TREH: variants seen among roughly 807,000 people sequenced by gnomAD.
TREH encodes trehalase.
Under a neutral mutation model 80.5 loss-of-function variants are expected in TREH, and 69 were observed. The observed-to-expected ratio is 0.86, with a 90% CI of 0.71 to 1.05. TREH has a LOEUF of 1.05. Ranked by LOEUF, TREH falls within the 50% of genes least tolerant of loss-of-function variation. TREH has a pLI of 0.00. For missense variants in TREH, 716 were observed against 718.8 expected (o/e 1.00, Z 0.04); for synonymous variants, 309 against 293.5 (o/e 1.05, Z -0.54).
rs1423942689 is a variant in TREH at position 118,674,247 on chromosome 11, TC to T, written c.89+5291del. On this transcript the variant is annotated intron_variant, in intron 1 of 14. Transcript: ENST00000264029. This position sits in a 1 kb window ranked among gnomAD's most constrained non-coding sequence, Gnocchi z 4.4. Reference sequence around the variant, plus strand: ...TACCTCTCACATGGAAATTATCTAGTCCAAAGTCTCAGCACTCGTGCCAGGA... The same window carrying T: ...TACCTCTCACATGGAAATTATCTAGTCAAAGTCTCAGCACTCGTGCCAGGA... Among the ~76,000 whole-genome samples the T allele has an allele frequency of 1.6e-4, 25 of 152,344 alleles. No homozygotes were observed. The highest frequency in any genetic ancestry group is 5.5e-4 in the African/African-American group (23 of 41,582).
rs781911442 is a variant in TREH at position 118,661,239 on chromosome 11, T to G, written c.778A>C (p.Lys260Gln). The G allele has an allele frequency of 6.2e-7, 1 of 1,613,958 alleles. No homozygotes were observed. Among genetic ancestry groups the G allele is most frequent in the Admixed American group, 1.7e-5 (1 of 60,030 alleles). Reference protein sequence around the residue: ...TLALELDFWTKNRTVSVSLEG... With the variant: ...TLALELDFWTQNRTVSVSLEG... ...AAGCTCACAGAGACAGTCCTGTTCT[T>G]GGTCCAAAAGTCCAATTCCAAGGCT... The change falls in exon 8 of 15, where the codon AAG becomes CAG. Residue 260 changes from lysine to glutamine, a missense_variant. Physicochemically the swap from Lys to Gln is moderately conservative, Grantham distance 53. Coordinates refer to ENST00000264029, the MANE Select transcript of TREH (RefSeq NM_007180.3). The surrounding 1 kb of genome is among the most constrained non-coding windows in gnomAD (Gnocchi z 4.2).
chr11:118,660,649 G>C lies in TREH; in HGVS notation c.992C>G (p.Pro331Arg), dbSNP rs1555144720. ...GATGCCGCTAAGCGAGTTGGGGTTT[G>C]GGCCTCCAATGAGCCAGCGTGAAGA... is the stretch of plus-strand genomic sequence containing the variant. The part of the protein sequence containing the change: ...DFSSRWLIGG[P>R]NPNSLSGIRT... Residue 331 changes from proline (P) to arginine (R), a missense_variant, in exon 10 of 15, where the codon CCA becomes CGA. Coordinates refer to ENST00000264029, the MANE Select transcript of TREH (RefSeq NM_007180.3). The C allele has an allele frequency of 1.9e-6, 3 of 1,606,678 alleles. No homozygotes were observed. The highest frequency in any genetic ancestry group is 1.7e-6 in the Non-Finnish European group (2 of 1,176,540).
intron 8 of TREH, 46 bp from the exon 9 acceptor site, chr11:118,660,961 G>T: frequency 1.9e-6 from 3 of 1,556,704 alleles, no homozygotes; most frequent in Admixed American, 1.9e-5. Context: ...TAGCTACTAA[G>T]CCCCTCTGTG....
rs782691556 is a variant in TREH at position 118,679,575 on chromosome 11, A to G, written c.53T>C (p.Leu18Pro). The G allele has an allele frequency of 1.3e-6, 2 of 1,551,586 alleles. No homozygotes were observed. Among genetic ancestry groups the G allele is most frequent in the South Asian group, 2.5e-5 (2 of 81,216 alleles). Residue 18 changes from leucine (L) to proline (P), a missense_variant, in exon 1 of 15, where the codon CTG becomes CCG. Leu to Pro is a moderately conservative substitution (Grantham distance 98). Transcript: ENST00000264029. ...TGGGGGTAGGGCCTCCTGGGACCCC[A>G]GTCCCAGCCCCAGCAGCAGTAGCAG... Reference protein sequence around the residue: ...LCLLLLLGLGLGSQEALPPPC... With the variant: ...LCLLLLLGLGPGSQEALPPPC...
Position 118,670,043 on chromosome 11 carries a change from G to A in TREH, c.90-6604C>T, listed in dbSNP as rs192496556. Among the ~76,000 whole-genome samples the A allele has an allele frequency of 5.3e-5, 8 of 151,852 alleles. No individual in the cohort carries two copies. The East Asian group carries it at 1.2e-3, about 22-fold the overall frequency. ...AAAACAAAACAAAAGATTAAGTGAG[G>A]GGCTTCAAATGTCTTAAATATTAAA... On this transcript the variant is annotated intron_variant, in intron 1 of 14. Transcript: ENST00000264029.
At chr11:118,668,598 A>T (rs868974274) in intron 1 of TREH, among the ~76,000 whole-genome samples, 60 of 130,538 alleles carry the variant, frequency 4.6e-4, no homozygotes, top group African/African-American at 1.7e-3. Context: ...AAGATTTTCC[A>T]TGTTCATTAT....
rs1318927809 is a variant in TREH, at chr11:118,660,787, T to C, written c.908-54A>G. The stretch of plus-strand genomic sequence containing the variant: ...GTCCCGGCTGCAGGATAGGCAGCCA[T>C]TGACAGGAGACCAGAGCCTGACACA... On this transcript the variant is annotated intron_variant, in intron 9 of 14. Coordinates refer to ENST00000264029, the MANE Select transcript of TREH (RefSeq NM_007180.3). The C allele has an allele frequency of 8.4e-6, 13 of 1,547,226 alleles. No individual in the cohort carries two copies. The East Asian group carries it at 1.9e-4, about 23-fold the overall frequency.
At position 118,661,246 on chromosome 11, in the gene TREH, A is replaced by G. The variant is rs1949317874; in HGVS notation, c.771T>C (p.Phe257=). 2 of 1,613,830 alleles carry G rather than the reference A, an allele frequency of 1.2e-6. No homozygotes were observed. Among genetic ancestry groups the G allele is most frequent in the Non-Finnish European group, 1.7e-6 (2 of 1,179,884 alleles). Residue 257 remains phenylalanine (F), a synonymous_variant, in exon 8 of 15, where the codon TTT becomes TTC. Coordinates refer to ENST00000264029, the MANE Select transcript of TREH (RefSeq NM_007180.3). The surrounding 1 kb of genome is among the most constrained non-coding windows in gnomAD (Gnocchi z 4.2). ...CAGAGACAGTCCTGTTCTTGGTCCA[A>G]AAGTCCAATTCCAAGGCTAGTGTTT... is the stretch of plus-strand genomic sequence containing the variant. ...NIETLALELD[F]WTKNRTVSVS...
intron 1 of TREH, among the ~76,000 whole-genome samples, chr11:118,667,566 G>C (rs1949389797): frequency 6.6e-6 from 1 of 152,104 alleles, no homozygotes; most frequent in South Asian, 2.1e-4. Flanking sequence ...TTCTCCTGGG[G>C]AACAGCCCCA....
chr11:118,664,718 G>A (rs570022394), intron 1 of TREH, among the ~76,000 whole-genome samples: 3 of 152,142 alleles, frequency 2.0e-5, no homozygotes, highest in Admixed American at 1.3e-4. Context: ...TCAGAGTAGC[G>A]CTTTGATAGA....
At position 118,659,806 on chromosome 11, in the gene TREH, G is replaced by C; in HGVS notation, c.1261C>G (p.Leu421Val). 1 of 1,581,374 alleles carries C rather than the reference G, an allele frequency of 6.3e-7. No individual in the cohort carries two copies. ...GGGTCAGAGAAACACCCGGCCCAGA[G>C]TGGAGTGAGGTTGGATGGGTAAAAC... ...REFYPSNLTPLWAGCFSDPGV... is the reference protein window; with the variant it reads ...REFYPSNLTPVWAGCFSDPGV... Residue 421 changes from leucine (L) to valine (V), a missense_variant, in exon 11 of 15, where the codon CTC becomes GTC. By Grantham distance (32) the Leu-to-Val change is conservative (BLOSUM62 1). Transcript: ENST00000264029.
chr11:118,659,315 G>T, intron 12 of TREH, 55 bp downstream of exon 12: 1 of 1,402,874 alleles, frequency 7.1e-7, no homozygotes, highest in Non-Finnish European at 9.5e-7. Flanking sequence ...CACCAGGGAG[G>T]CCCACCTCTA....
At chr11:118,669,837 A>T (rs1949414493) in intron 1 of TREH, among the ~76,000 whole-genome samples, 1 of 152,242 alleles carries the variant, frequency 6.6e-6, no homozygotes, top group Non-Finnish European at 1.5e-5. Context: ...TTGTACATTT[A>T]AAAATAACTA....
intron 1 of TREH, among the ~76,000 whole-genome samples, chr11:118,678,129 G>T (rs4938523): frequency 0.35 from 53,102 of 151,756 alleles, 9,591 homozygotes; most frequent in Admixed American, 0.48. Context: ...ACAGGCCTTC[G>T]TCCCAATCCC....
chr11:118,660,021 T>A, intron 10 of TREH, 57 bp from the exon 11 acceptor site: 21 of 1,461,998 alleles, frequency 1.4e-5, no homozygotes, highest in Non-Finnish European at 1.5e-5. Context: ...TGCCCCAGGC[T>A]TTTTTCGTGG....
At position 118,660,926 on chromosome 11, in the gene TREH, G is replaced by A; in HGVS notation, c.858-11C>T. On this transcript the variant is annotated splice_polypyrimidine_tract_variant and intron_variant, in intron 8 of 14. Transcript: ENST00000264029. Reference sequence around the variant, plus strand: ...CTGTAGGACTCAGGCCTGGCAAAGAGGAGAGGTGGGCAGCCTGGCACTAGT... The same window carrying A: ...CTGTAGGACTCAGGCCTGGCAAAGAAGAGAGGTGGGCAGCCTGGCACTAGT... 2.6e-6 allele frequency: 4 copies of A among 1,568,218 alleles called. No individual in the cohort carries two copies. Among genetic ancestry groups the A allele is most frequent in the Non-Finnish European group, 3.5e-6 (4 of 1,155,870 alleles).
In TREH at chr11:118,660,463, C is replaced by G. The variant is rs1591828882; in HGVS notation, c.1102+76G>C. On this transcript the variant is annotated intron_variant, in intron 10 of 14. Transcript: ENST00000264029. ...TGCTGAAGGCCTGTCACACAAGGGT[C>G]CTACTTCCAGTTCTATTGCCAAGCC... The G allele has an allele frequency of 3.5e-6, 5 of 1,447,098 alleles. No individual in the cohort carries two copies. The East Asian group carries it at 1.3e-4, about 36-fold the overall frequency. 89.6% of individuals were successfully genotyped at this position (1,447,098 alleles called of 1,614,324 possible).
At chr11:118,659,555 C>A (rs782191193) in intron 11 of TREH, 74 bp from the exon 12 acceptor site, 20 of 1,421,006 alleles carry the variant, frequency 1.4e-5, no homozygotes, top group Non-Finnish European at 1.7e-5. Flanking sequence ...CTGGACCCCG[C>A]GGGAAGCCAG....
intron 1 of TREH, 123 bp downstream of exon 1, chr11:118,679,416 C>T: frequency 1.6e-6 from 2 of 1,224,134 alleles, no homozygotes; most frequent in Non-Finnish European, 2.2e-6. Flanking sequence ...CTTCTCTTCC[C>T]TACTCTTTCC....
Sources: allele counts gnomAD v4.1 joint callset (sites outside exome capture counted in the v4.1 genomes callset), GRCh38; gene constraint gnomAD v4.1.1; non-coding constraint Gnocchi (gnomAD v3.1); transcripts MANE v1.5; gene names NCBI Gene and HGNC (gene_info 2026-07-23, HGNC 2026-07-21).